ANTXR1: variants seen among roughly 807,000 people sequenced by gnomAD.
ANTXR1 encodes the protein ANTXR cell adhesion molecule 1, also known as anthrax toxin receptor 1.
Under a neutral mutation model 78.1 loss-of-function variants are expected in ANTXR1, and 19 were observed. The observed-to-expected ratio is 0.24, with a 90% confidence interval of 0.17 to 0.36. The LOEUF (loss-of-function observed/expected upper bound fraction) is 0.36. ANTXR1 is among the 10% of genes least tolerant of loss of function. ANTXR1 has a pLI of 1.00. For missense variants in ANTXR1, 518 were observed against 718.6 expected, an observed-to-expected ratio of 0.72 and a Z score of 3.19; for synonymous variants, 273 against 260.5, an observed-to-expected ratio of 1.05 and a Z score of -0.46.
chr2:69,038,086 C>A (rs77361982), intron 1 of ANTXR1, among the ~76,000 whole-genome samples: 3 of 152,124 alleles, frequency 2.0e-5, no homozygotes, highest in Non-Finnish European at 2.9e-5. Context: ...AAACCACCCC[C>A]CTTCACAGCC....
chr2:69,213,095 C>G (rs1033360107), intron 17 of ANTXR1, among the ~76,000 whole-genome samples: 1 of 151,648 alleles, frequency 6.6e-6, no homozygotes, highest in African/African-American at 2.4e-5. Flanking sequence ...ACATGAGCCA[C>G]CACCACACCT....
intron 12 of ANTXR1, among the ~76,000 whole-genome samples, chr2:69,129,067 T>G (rs572486228): frequency 6.6e-6 from 1 of 152,210 alleles, no homozygotes; most frequent in Non-Finnish European, 1.5e-5. Context: ...TAAACTTTGG[T>G]GAGCTCCATG....
chr2:69,132,667 T>C (rs1672786230), intron 12 of ANTXR1, among the ~76,000 whole-genome samples: 1 of 152,228 alleles, frequency 6.6e-6, no homozygotes, highest in South Asian at 2.1e-4. Flanking sequence ...AAACAGTCCA[T>C]CAATCAAGTG....
intron 1 of ANTXR1, among the ~76,000 whole-genome samples, chr2:69,031,596 CTCTTT>C (rs1414925372): frequency 1.3e-5 from 2 of 152,180 alleles, no homozygotes; most frequent in Non-Finnish European, 2.9e-5. Context: ...CCCTCCCTCT[CTCTTT>C]TCTTTTCATA....
intron 2 of ANTXR1, among the ~76,000 whole-genome samples, chr2:69,040,889 C>T (rs188859657): frequency 2.6e-5 from 4 of 152,290 alleles, no homozygotes; most frequent in Admixed American, 2.0e-4. Context: ...TAGAGTCTTC[C>T]GGTTGATAGG....
chr2:69,093,479 C>T (rs1671303591), intron 9 of ANTXR1, among the ~76,000 whole-genome samples: 1 of 152,104 alleles, frequency 6.6e-6, no homozygotes, highest in Non-Finnish European at 1.5e-5. Context: ...ACAATAAAAA[C>T]ACCACAAAAA....
intron 1 of ANTXR1, among the ~76,000 whole-genome samples, chr2:69,031,010 ATTCAT>A (rs968672427): frequency 1.3e-5 from 2 of 152,192 alleles, no homozygotes; most frequent in Non-Finnish European, 2.9e-5. Flanking sequence ...GTACGGCCAC[ATTCAT>A]TTTGTTCATG....
chr2:69,053,772 C>T (rs924444770), intron 3 of ANTXR1, among the ~76,000 whole-genome samples: 2 of 152,148 alleles, frequency 1.3e-5, no homozygotes, highest in African/African-American at 2.4e-5. Flanking sequence ...CCTCATTTTA[C>T]TGCTGAGGAA....
chr2:69,148,204 TTG>T (rs70954336), intron 12 of ANTXR1, among the ~76,000 whole-genome samples: 12,627 of 152,248 alleles, frequency 0.083, 790 homozygotes, highest in East Asian at 0.32. Context: ...TCAGCCTGGC[TTG>T]TGTGTCCTCC....
At chr2:69,145,232 C>A in intron 12 of ANTXR1, 1 of 1,296,558 alleles carries the variant, frequency 7.7e-7, no homozygotes, top group Non-Finnish European at 1.1e-6. Flanking sequence ...CTTTAGGGAC[C>A]CTCACTTGCA....
chr2:69,105,740 T>C (rs1460405429), intron 10 of ANTXR1, among the ~76,000 whole-genome samples: 1 of 152,254 alleles, frequency 6.6e-6, no homozygotes, highest in Non-Finnish European at 1.5e-5. Context: ...ATATCACATA[T>C]TTCTTTTTTC....
At chr2:69,033,508 T>C (rs779095974) in intron 1 of ANTXR1, among the ~76,000 whole-genome samples, 32 of 152,212 alleles carry the variant, frequency 2.1e-4, no homozygotes, top group Admixed American at 5.9e-4. Context: ...AAGGGCACTC[T>C]TTTCTTTGGA....
chr2:69,089,986 A>G (rs553392923), intron 8 of ANTXR1, among the ~76,000 whole-genome samples: 1 of 152,288 alleles, frequency 6.6e-6, no homozygotes, highest in African/African-American at 2.4e-5. Flanking sequence ...CTAGCCAGCA[A>G]AAGTCTTCAT....
Position 69,219,848 on chromosome 2 carries a change from C to T in ANTXR1, c.1435-25377C>T, listed in dbSNP as rs184081128. ...TTGACTGAAGTGCCCACAGACTCCT[C>T]CACCATCAGAAGGGTCCCCTTTCCC... On this transcript the variant is annotated intron_variant, in intron 17 of 17. Coordinates refer to ENST00000303714, the MANE Select transcript of ANTXR1 (RefSeq NM_032208.3). Among the ~76,000 whole-genome samples, 166 of 152,292 alleles carry T rather than the reference C, an allele frequency of 1.1e-3. 1 individual carries two copies. The highest frequency in any genetic ancestry group is 3.7e-3 in the African/African-American group (155 of 41,570).
Position 69,249,252 on chromosome 2 carries a change from G to A in ANTXR1, c.*3767G>A, listed in dbSNP as rs1337154425. The A allele has an allele frequency of 1.3e-5, 2 of 151,880 alleles. No homozygotes were observed. Among genetic ancestry groups the A allele is most frequent in the African/African-American group, 2.4e-5 (1 of 41,316 alleles). 9.4% of individuals were successfully genotyped at this position (151,880 alleles called of 1,614,324 possible). A position where few individuals can be genotyped will look rare whatever the true frequency, so the allele number is the denominator to read the frequency against. ...TCCTGATCATAATACCATGCTATAG[G>A]AGACTGGGCAAAACCTGTACAATGA... On this transcript the variant is annotated 3_prime_UTR_variant, in exon 18 of 18. Coordinates refer to ENST00000303714, the MANE Select transcript of ANTXR1 (RefSeq NM_032208.3).
At chr2:69,052,701 T>G (rs1464433677) in intron 3 of ANTXR1, among the ~76,000 whole-genome samples, 1 of 152,178 alleles carries the variant, frequency 6.6e-6, no homozygotes, top group Non-Finnish European at 1.5e-5. Context: ...ATGCCTTTTG[T>G]GATTAACATT....
intron 13 of ANTXR1, among the ~76,000 whole-genome samples, chr2:69,157,371 T>C (rs1673556101): frequency 6.6e-6 from 1 of 152,098 alleles, no homozygotes; most frequent in Non-Finnish European, 1.5e-5. Context: ...AACTACTTAA[T>C]GTGTTTACCC....
intron 9 of ANTXR1, among the ~76,000 whole-genome samples, chr2:69,092,835 T>C (rs952282066): frequency 6.6e-6 from 1 of 152,230 alleles, no homozygotes; most frequent in African/African-American, 2.4e-5. Flanking sequence ...GGTAGAGGAA[T>C]TGAGTAGGAT....
intron 1 of ANTXR1, among the ~76,000 whole-genome samples, chr2:69,016,706 C>T (rs921419311): frequency 6.6e-6 from 1 of 152,222 alleles, no homozygotes; most frequent in African/African-American, 2.4e-5. Context: ...TATGGTACTA[C>T]TATTTGTCTC....
Sources: gnomAD v4.1 joint callset for allele counts (sites outside exome capture counted in the v4.1 genomes callset) on GRCh38, gnomAD v4.1.1 for gene constraint, MANE v1.5 for transcripts, NCBI Gene and HGNC (gene_info 2026-07-23, HGNC 2026-07-21) for gene names.